Variants in SLC9C2 observed in about 807,000 individuals in gnomAD.
The protein encoded by SLC9C2 is sodium/hydrogen exchanger 11.
A neutral mutation model predicts 140.2 loss-of-function variants in SLC9C2; 75 were observed. The ratio of observed to expected loss-of-function variants is 0.53; its 90% CI spans 0.44 to 0.65. The LOEUF (loss-of-function observed/expected upper bound fraction) is 0.65, where lower values mean the gene tolerates loss of function less well. Among genes scored for constraint, SLC9C2 ranks in the 30% least tolerant of loss-of-function variants. The pLI, the probability that SLC9C2 is intolerant of heterozygous loss-of-function variation, is 0.00. For synonymous variants in SLC9C2, 375 were observed against 420.9 expected (o/e 0.89, Z 1.34); for missense variants, 1,074 against 1,331.8 (o/e 0.81, Z 3.01).
intron 13 of SLC9C2, among the ~76,000 whole-genome samples, chr1:173,547,196 C>T (rs1571528115): frequency 1.3e-5 from 2 of 152,032 alleles, no homozygotes; most frequent in South Asian, 4.2e-4. Context: ...CTGGTATAAA[C>T]TTGATTTTAC....
Position 173,587,738 on chromosome 1 carries a change from T to C in SLC9C2, c.450A>G (p.Gln150=), listed in dbSNP as rs769585765. The change falls in exon 5 of 28, where the codon CAA becomes CAG. Residue 150 remains glutamine, a synonymous_variant. Coordinates refer to ENST00000367714, the MANE Select transcript of SLC9C2 (RefSeq NM_178527.4). ...GGGTGATGCTAAAGAGTAGGCAAGA[T>C]TGCAAATCCCATGAATCTTTATTGA... is the stretch of plus-strand genomic sequence containing the variant. ...IKFNKDSWDL[Q]SCLLFSITLG... The C allele has an allele frequency of 6.2e-7, 1 of 1,613,586 alleles. No homozygotes were observed. The highest frequency in any genetic ancestry group is 1.1e-5 in the South Asian group (1 of 91,054).
At chr1:173,529,863 T>C (rs1661451527) in intron 18 of SLC9C2, 42 bp downstream of exon 18, 6 of 1,579,280 alleles carry the variant, frequency 3.8e-6, no homozygotes, top group Non-Finnish European at 5.1e-6. Context: ...TTAATACACC[T>C]AAGGGGTTTT....
chr1:173,547,174 C>A (rs1662909456), intron 13 of SLC9C2, among the ~76,000 whole-genome samples: 1 of 151,906 alleles, frequency 6.6e-6, no homozygotes, highest in Admixed American at 6.6e-5. Context: ...TTAAAATGTA[C>A]AATTTGACAA....
intron 17 of SLC9C2, among the ~76,000 whole-genome samples, chr1:173,531,565 T>C (rs948796918): frequency 6.6e-6 from 1 of 152,228 alleles, no homozygotes; most frequent in Admixed American, 6.5e-5. Context: ...AACACTATCC[T>C]ATAAAATCTC....
At chr1:173,506,606 A>G (rs972241270) in intron 25 of SLC9C2, among the ~76,000 whole-genome samples, 1 of 152,320 alleles carries the variant, frequency 6.6e-6, no homozygotes, top group African/African-American at 2.4e-5. Context: ...GCCCCACGCC[A>G]GGGCAAAGGG....
chr1:173,510,470 G>C (rs578226065), intron 23 of SLC9C2, among the ~76,000 whole-genome samples: 2 of 152,156 alleles, frequency 1.3e-5, no homozygotes, highest in South Asian at 4.2e-4. Context: ...TTATTCTAAT[G>C]CTCTCATTCC....
At chr1:173,559,858 A>G (rs560175853) in intron 9 of SLC9C2, among the ~76,000 whole-genome samples, 23 of 152,334 alleles carry the variant, frequency 1.5e-4, no homozygotes, top group African/African-American at 5.1e-4. Context: ...AGGTGGGGAT[A>G]TGATAGGGGT....
At chr1:173,579,241 A>G (rs1213604400) in intron 7 of SLC9C2, among the ~76,000 whole-genome samples, 1 of 152,188 alleles carries the variant, frequency 6.6e-6, no homozygotes, top group African/African-American at 2.4e-5. Context: ...TTCTAGAGAA[A>G]ATCATCATTC....
chr1:173,520,313 C>T (rs986763782), intron 22 of SLC9C2, among the ~76,000 whole-genome samples: 3 of 152,190 alleles, frequency 2.0e-5, no homozygotes, highest in East Asian at 1.9e-4. Context: ...GATCCACCCA[C>T]CTAGCCCTCA....
At chr1:173,547,868 C>T in intron 12 of SLC9C2, 84 bp from the exon 13 acceptor site, 1 of 929,912 alleles carries the variant, frequency 1.1e-6, no homozygotes, top group Non-Finnish European at 1.7e-6. Flanking sequence ...GCAAATACTA[C>T]TCTCAACAAA....
In SLC9C2 at chr1:173,557,626, A is replaced by G. The variant is rs541977362; in HGVS notation, c.1047-118T>C. ...AAAATTTTCGGGAAAGAAAAAAACA[A>G]TGCAATTTACTGTTAAGTCCTTCCA... On this transcript the variant is annotated intron_variant, in intron 9 of 27. Coordinates refer to ENST00000367714, the MANE Select transcript of SLC9C2 (RefSeq NM_178527.4). The G allele has an allele frequency of 6.7e-5, 64 of 950,534 alleles. No individual in the cohort carries two copies. In the African/African-American group the frequency reaches 1.1e-3, roughly 16 times the overall value. The allele number at this position is 950,534 out of a possible 1,614,324, so 58.9% of individuals were successfully genotyped here. A position where few individuals can be genotyped will look rare whatever the true frequency, so the allele number is the denominator to read the frequency against.
At chr1:173,573,108 C>A in intron 9 of SLC9C2, 74 bp downstream of exon 9, 1 of 1,126,454 alleles carries the variant, frequency 8.9e-7, no homozygotes. Context: ...TTGCTGTATG[C>A]CACTGCTTCC....
chr1:173,540,761 T>G (rs116418353), intron 13 of SLC9C2, among the ~76,000 whole-genome samples: 2 of 152,154 alleles, frequency 1.3e-5, no homozygotes, highest in Non-Finnish European at 2.9e-5. Context: ...GAGACAGGGA[T>G]AAACCAAAGA....
chr1:173,505,439 G>A (rs2101887024), intron 25 of SLC9C2, 108 bp from the exon 26 acceptor site: 1 of 792,344 alleles, frequency 1.3e-6, no homozygotes, highest in South Asian at 1.8e-5. Flanking sequence ...GCCTAAAGCT[G>A]GGTCTTCAAT....
chr1:173,595,686 C>T (rs895060312), intron 4 of SLC9C2, among the ~76,000 whole-genome samples: 44 of 151,550 alleles, frequency 2.9e-4, no homozygotes, highest in African/African-American at 8.5e-4. Flanking sequence ...AAACTGAATT[C>T]AATTAATTCA....
At position 173,550,457 on chromosome 1, in the gene SLC9C2, T is replaced by TGAG. The variant is rs1553253738; in HGVS notation, c.1298-1908_1298-1906dup. Among the ~76,000 whole-genome samples, 127 of 150,798 alleles carry TGAG rather than the reference T, an allele frequency of 8.4e-4. 2 individuals carry two copies. Among genetic ancestry groups the TGAG allele is most frequent in the African/African-American group, 2.9e-3 (121 of 41,024 alleles). On this transcript the variant is annotated intron_variant, in intron 11 of 27. Transcript: ENST00000367714. ...ATTTATTTATTTATTTATTTATTTTTGAGGAGGAGTTTCACTCTGTCGCCA... is the reference window on the plus strand; with the variant it reads ...ATTTATTTATTTATTTATTTATTTTTGAGGAGGAGGAGTTTCACTCTGTCGCCA...
intron 18 of SLC9C2, 85 bp downstream of exon 18, chr1:173,529,820 G>A (rs983092894): frequency 5.8e-5 from 84 of 1,440,590 alleles, no homozygotes; most frequent in Middle Eastern, 5.2e-4. Flanking sequence ...TGTCTGTTTC[G>A]TCAAACACAC....
chr1:173,592,895 A>G (rs1191808882), intron 4 of SLC9C2, among the ~76,000 whole-genome samples: 3 of 152,248 alleles, frequency 2.0e-5, no homozygotes, highest in African/African-American at 7.2e-5. Flanking sequence ...CACAAACCCT[A>G]CAAGACAGTG....
intron 9 of SLC9C2, among the ~76,000 whole-genome samples, chr1:173,560,318 C>A (rs965275714): frequency 2.6e-5 from 4 of 152,192 alleles, no homozygotes; most frequent in Admixed American, 2.6e-4. Flanking sequence ...TAGCCCATCC[C>A]CCAACTGGTA....
Sources: allele counts gnomAD v4.1 joint callset (sites outside exome capture counted in the v4.1 genomes callset), GRCh38; gene constraint gnomAD v4.1.1; transcripts MANE v1.5; gene names NCBI Gene and HGNC (gene_info 2026-07-23, HGNC 2026-07-21).